EPB41L4A: variants seen among roughly 807,000 people sequenced by gnomAD.
The protein encoded by EPB41L4A is erythrocyte membrane protein band 4.1 like 4A, also known as band 4.1-like protein 4A.
Under a neutral mutation model 108.6 loss-of-function variants are expected in EPB41L4A, and 100 were observed. The observed-to-expected ratio is 0.92, with a 90% CI of 0.78 to 1.09. The LOEUF (loss-of-function observed/expected upper bound fraction) is 1.09, where lower values mean the gene tolerates loss of function less well. EPB41L4A is among the 50% of genes least tolerant of loss of function. The probability of loss-of-function intolerance (pLI) is 0.00; values close to 1 mark genes in which losing one functional copy is unlikely to be tolerated. For synonymous variants in EPB41L4A, 319 were observed against 289.0 expected (o/e 1.10, Z -1.05); for missense variants, 1,030 against 842.7 (o/e 1.22, Z -2.75).
chr5:112,237,455 T>C (rs189457349), intron 11 of EPB41L4A, among the ~76,000 whole-genome samples: 3 of 152,114 alleles, frequency 2.0e-5, no homozygotes, highest in African/African-American at 7.2e-5. Context: ...CCATCACATA[T>C]ATGTATGGTG....
chr5:112,222,066 C>G (rs745911543), intron 12 of EPB41L4A, among the ~76,000 whole-genome samples: 11 of 152,194 alleles, frequency 7.2e-5, no homozygotes, highest in Admixed American at 6.5e-4. Flanking sequence ...GCCTTTCCCC[C>G]TCTCTCTTGG....
intron 1 of EPB41L4A, among the ~76,000 whole-genome samples, chr5:112,410,158 A>G (rs144948398): frequency 0.017 from 2,614 of 152,290 alleles, 60 homozygotes; most frequent in African/African-American, 0.059. Context: ...TTCTACACAC[A>G]GAAAAAGGTG....
chr5:112,351,973 A>G (rs2150733805), intron 1 of EPB41L4A, among the ~76,000 whole-genome samples: 1 of 152,354 alleles, frequency 6.6e-6, no homozygotes, highest in South Asian at 2.1e-4. Flanking sequence ...ACTCTCAACA[A>G]ACTAGGCATA....
chr5:112,171,170 T>G (rs1271750610), intron 18 of EPB41L4A, among the ~76,000 whole-genome samples, 178 bp from the exon 19 acceptor site: 1 of 152,144 alleles, frequency 6.6e-6, no homozygotes, highest in Admixed American at 6.6e-5. Context: ...GCAGCTAAAT[T>G]GCTGCTACTG....
chr5:112,384,219 A>T (rs1327588390), intron 1 of EPB41L4A, among the ~76,000 whole-genome samples: 1 of 152,130 alleles, frequency 6.6e-6, no homozygotes, highest in Non-Finnish European at 1.5e-5. Context: ...AAAACACTAA[A>T]CTGTACACCT....
chr5:112,359,331 G>T (rs189173319), intron 1 of EPB41L4A, among the ~76,000 whole-genome samples: 3 of 152,286 alleles, frequency 2.0e-5, no homozygotes. Flanking sequence ...TAAATTTTCA[G>T]TTGAGTGCTT....
At chr5:112,415,590 G>A (rs1039429993) in intron 1 of EPB41L4A, among the ~76,000 whole-genome samples, 1 of 152,112 alleles carries the variant, frequency 6.6e-6, no homozygotes, top group African/African-American at 2.4e-5. Flanking sequence ...AAAGCAGTCT[G>A]AGCCACATTC....
chr5:112,289,602 C>T (rs1022160317), intron 2 of EPB41L4A, among the ~76,000 whole-genome samples: 11 of 152,196 alleles, frequency 7.2e-5, no homozygotes, highest in African/African-American at 2.7e-4. Flanking sequence ...CTCCCTTTGC[C>T]CTCTGGATGT....
intron 15 of EPB41L4A, among the ~76,000 whole-genome samples, chr5:112,203,917 T>C (rs1373901201): frequency 6.6e-6 from 1 of 151,928 alleles, no homozygotes; most frequent in Non-Finnish European, 1.5e-5. Context: ...CACATGCCTG[T>C]AATCTCAGCT....
intron 1 of EPB41L4A, among the ~76,000 whole-genome samples, chr5:112,380,325 T>A (rs1384005295): frequency 6.6e-6 from 1 of 152,230 alleles, no homozygotes; most frequent in Non-Finnish European, 1.5e-5. Flanking sequence ...GCTTGTTCAA[T>A]AAAACTATTT....
intron 1 of EPB41L4A, among the ~76,000 whole-genome samples, chr5:112,337,404 T>G (rs2150684945): frequency 6.6e-6 from 1 of 152,318 alleles, no homozygotes; most frequent in South Asian, 2.1e-4. Context: ...AAGCACTGTT[T>G]TATCAGTAAT....
At chr5:112,387,124 T>G (rs1230194016) in intron 1 of EPB41L4A, among the ~76,000 whole-genome samples, 2 of 152,144 alleles carry the variant, frequency 1.3e-5, no homozygotes, top group African/African-American at 4.8e-5. Flanking sequence ...AGAATTCTGC[T>G]CAAAACAATT....
intron 2 of EPB41L4A, among the ~76,000 whole-genome samples, chr5:112,284,329 G>A (rs1009230519): frequency 6.6e-6 from 1 of 152,140 alleles, no homozygotes; most frequent in Non-Finnish European, 1.5e-5. Context: ...AGGACAGCAT[G>A]CAATAATTGG....
chr5:112,329,244 T>C (rs1756391589), intron 1 of EPB41L4A, among the ~76,000 whole-genome samples: 1 of 152,222 alleles, frequency 6.6e-6, no homozygotes, highest in African/African-American at 2.4e-5. Context: ...AAATAAAACG[T>C]TATTAAAATC....
Position 112,184,086 on chromosome 5 carries a change from C to T in EPB41L4A, c.1552G>A (p.Val518Ile). Residue 518 changes from valine (V) to isoleucine (I), a missense_variant, in exon 18 of 23, where the codon GTA becomes ATA. Physicochemically the swap from Val to Ile is conservative, Grantham distance 29. Transcript: ENST00000261486. The stretch of plus-strand genomic sequence containing the variant: ...TTTTTTTCCTTTTGTCTCCTTAATA[C>T]AGCTTCCCACTGAGGCGCTGAATCA... ...MVDSAPQWEA[V>I]LRRQKEKNQA... The T allele has an allele frequency of 6.2e-7, 1 of 1,613,936 alleles. No individual in the cohort carries two copies. The highest frequency in any genetic ancestry group is 8.5e-7 in the Non-Finnish European group (1 of 1,179,904).
rs191009744 is a variant in EPB41L4A at position 112,265,136 on chromosome 5, T to C, written c.434-120A>G. ...CAAATGTCTTACTAAAATTCACATA[T>C]AAGACAACTAAATAATTTTACTAAA... On this transcript the variant is annotated intron_variant, in intron 5 of 22. Coordinates refer to ENST00000261486, the MANE Select transcript of EPB41L4A (RefSeq NM_022140.5). 2.2e-5 allele frequency: 19 copies of C among 853,922 alleles called. No homozygotes were observed. The East Asian group carries it at 2.3e-4, about 10-fold the overall frequency. 52.9% of individuals were successfully genotyped at this position (853,922 alleles called of 1,614,324 possible).
At position 112,224,646 on chromosome 5, in the gene EPB41L4A, C is replaced by CT. The variant is rs201539276; in HGVS notation, c.1087+9987dup. ...TCAAATCAGGTACAACTTTCACACT[C>CT]TTTTTTTTAAGCTCCCCTACCACCC... On this transcript the variant is annotated intron_variant, in intron 12 of 22. Coordinates refer to ENST00000261486, the MANE Select transcript of EPB41L4A (RefSeq NM_022140.5). 4.9e-3 allele frequency among the ~76,000 whole-genome samples: 748 copies of CT among 152,158 alleles called. 3 individuals carry two copies. Among genetic ancestry groups the CT allele is most frequent in the African/African-American group, 0.017 (693 of 41,522 alleles).
rs1751845014 is a variant in EPB41L4A at position 112,266,234 on chromosome 5, C to T, written c.432G>A (p.Gln144=). 4.4e-6 allele frequency: 7 copies of T among 1,602,768 alleles called. No individual in the cohort carries two copies. In the East Asian group the frequency reaches 8.9e-5, roughly 20 times the overall value. ...CAAATATGCTTAAGTGGCACCTACA[C>T]TGGATGGCATACGCTCCCAGCTGAG... ...TAAQLGAYAI[Q]SELGDYDPYK... Residue 144 remains glutamine, a splice_region_variant and synonymous_variant, in exon 5 of 23, where the codon CAG becomes CAA. Coordinates refer to ENST00000261486, the MANE Select transcript of EPB41L4A (RefSeq NM_022140.5).
At chr5:112,393,977 A>G (rs1436976123) in intron 1 of EPB41L4A, among the ~76,000 whole-genome samples, 1 of 152,220 alleles carries the variant, frequency 6.6e-6, no homozygotes, top group African/African-American at 2.4e-5. Context: ...AAACAAAACC[A>G]AAGACAAAAA....
Sources: allele counts gnomAD v4.1 joint callset (sites outside exome capture counted in the v4.1 genomes callset), GRCh38; gene constraint gnomAD v4.1.1; transcripts MANE v1.5; gene names NCBI Gene and HGNC (gene_info 2026-07-23, HGNC 2026-07-21).